MAPK10: variants seen among roughly 807,000 people sequenced by gnomAD.
The protein encoded by MAPK10 is mitogen-activated protein kinase 10.
Under a neutral mutation model 59.3 loss-of-function variants are expected in MAPK10, and 25 were observed. The ratio of observed to expected loss-of-function variants is 0.42; its 90% CI spans 0.31 to 0.59. The LOEUF (loss-of-function observed/expected upper bound fraction) is 0.59. Among genes scored for constraint, MAPK10 ranks in the 20% least tolerant of loss-of-function variants. The probability of loss-of-function intolerance (pLI) is 0.15; values close to 1 mark genes in which losing one functional copy is unlikely to be tolerated. For synonymous variants in MAPK10, 190 were observed against 200.5 expected (o/e 0.95, Z 0.44); for missense variants, 351 against 568.9 (o/e 0.62, Z 3.90).
At chr4:86,488,059 A>T (rs1754148618) in intron 1 of MAPK10, among the ~76,000 whole-genome samples, 1 of 152,086 alleles carries the variant, frequency 6.6e-6, no homozygotes, top group African/African-American at 2.4e-5. Context: ...TGGGGAGAGA[A>T]TGAGGCAAGT....
intron 1 of MAPK10, among the ~76,000 whole-genome samples, chr4:86,548,385 G>A (rs954910588): frequency 2.6e-5 from 4 of 152,134 alleles, no homozygotes; most frequent in African/African-American, 7.2e-5. Context: ...CTCACCACGA[G>A]GGTCCACAGC....
chr4:86,160,198 C>G (rs1203259016), intron 3 of MAPK10: 1 of 151,780 alleles, frequency 6.6e-6, no homozygotes, highest in African/African-American at 2.4e-5. Flanking sequence ...ATGAGTCTGT[C>G]TTTAAAATTT....
intron 1 of MAPK10, among the ~76,000 whole-genome samples, chr4:86,572,228 T>C (rs1243040589): frequency 6.6e-6 from 1 of 152,166 alleles, no homozygotes; most frequent in Admixed American, 6.6e-5. Context: ...TATGGCATCA[T>C]TACTTTCAGC....
At chr4:86,154,677 C>G (rs1265547441) in intron 4 of MAPK10, among the ~76,000 whole-genome samples, 1 of 151,908 alleles carries the variant, frequency 6.6e-6, no homozygotes, top group Non-Finnish European at 1.5e-5. Context: ...ATGAGAAAAT[C>G]CATTTTACAG....
At position 86,177,666 on chromosome 4, in the gene MAPK10, CCAGA is replaced by C. The variant is rs534878412; in HGVS notation, c.66+16666_66+16669del. Among the ~76,000 whole-genome samples the C allele has an allele frequency of 5.0e-3, 758 of 152,116 alleles. 4 individuals carry two copies. The highest frequency in any genetic ancestry group is 7.8e-3 in the Non-Finnish European group (531 of 67,968). On this transcript the variant is annotated intron_variant, in intron 3 of 13. Coordinates refer to ENST00000641462, the MANE Select transcript of MAPK10 (RefSeq NM_138982.4). ...AAAATGAAATCGCTCCATGGACACT[CCAGA>C]CACTTCTTTTTACAAATTCCCTTGT... is the stretch of plus-strand genomic sequence containing the variant.
chr4:86,087,286 A>G (rs919477817), intron 9 of MAPK10, among the ~76,000 whole-genome samples: 2 of 152,184 alleles, frequency 1.3e-5, no homozygotes, highest in Non-Finnish European at 1.5e-5. Flanking sequence ...TTCAACCACA[A>G]TGAACTTCTG....
chr4:86,102,103 G>T, intron 6 of MAPK10, 71 bp from the exon 7 acceptor site: 1 of 1,366,656 alleles, frequency 7.3e-7, no homozygotes, highest in Non-Finnish European at 1.0e-6. Flanking sequence ...TAGTCAGAAT[G>T]CTCTCCTAAC....
rs375518689 is a variant in MAPK10, at chr4:86,269,347, T to C, written c.-6-74940A>G. On this transcript the variant is annotated intron_variant, in intron 2 of 13. Transcript: ENST00000641462. ...ATTTTGATAAATTCAAATTTCTCTT[T>C]ACAAGACTCACTGCTTCAGATCTCT... is the stretch of plus-strand genomic sequence containing the variant. Among the ~76,000 whole-genome samples, 15 of 152,304 alleles carry C rather than the reference T, an allele frequency of 9.8e-5. No homozygotes were observed. The East Asian group carries it at 2.1e-3, about 22-fold the overall frequency.
chr4:86,311,970 TAA>T (rs3029315), intron 2 of MAPK10, among the ~76,000 whole-genome samples: 91,196 of 151,762 alleles, frequency 0.6, 28,136 homozygotes, highest in South Asian at 0.74. Flanking sequence ...GGCAGACTCA[TAA>T]AAAACTATTA....
At chr4:86,345,260 C>A (rs1168341847) in intron 2 of MAPK10, among the ~76,000 whole-genome samples, 2 of 152,182 alleles carry the variant, frequency 1.3e-5, no homozygotes, top group Admixed American at 1.3e-4. Flanking sequence ...AGGTACCCCA[C>A]TTGGATGAGA....
chr4:86,358,321 T>C lies in MAPK10; in HGVS notation c.-122+1337A>G, dbSNP rs935390757. On this transcript the variant is annotated intron_variant, in intron 1 of 13. Coordinates refer to ENST00000641462, the MANE Select transcript of MAPK10 (RefSeq NM_138982.4). ...CTTCCAGGGTCCGACAACTAGCCGA[T>C]GAGGGATAGAAGGAGATATTGGATG... The C allele has an allele frequency of 6.1e-5, 60 of 985,320 alleles. No individual in the cohort carries two copies. The African/African-American group carries it at 1.0e-3, about 16-fold the overall frequency. 61.0% of individuals were successfully genotyped at this position (985,320 alleles called of 1,614,324 possible).
intron 1 of MAPK10, among the ~76,000 whole-genome samples, chr4:86,458,470 A>C (rs961085564): frequency 3.3e-5 from 5 of 152,236 alleles, no homozygotes; most frequent in Admixed American, 6.5e-5. Context: ...TCAAAAACAA[A>C]AAAAAAAGAA....
At chr4:86,419,866 T>C (rs187063795) in intron 1 of MAPK10, among the ~76,000 whole-genome samples, 64 of 152,270 alleles carry the variant, frequency 4.2e-4, no homozygotes, top group Non-Finnish European at 4.3e-4. Context: ...GAAGAAAATA[T>C]TGAAAATAAA....
At chr4:86,247,666 T>C (rs1303658151) in intron 2 of MAPK10, among the ~76,000 whole-genome samples, 2 of 148,530 alleles carry the variant, frequency 1.3e-5, no homozygotes, top group African/African-American at 5.1e-5. Context: ...TGTGTGTGTG[T>C]TGTGTAGGTG....
At chr4:86,327,519 T>C (rs1460402630) in intron 2 of MAPK10, 1 of 152,066 alleles carries the variant, frequency 6.6e-6, no homozygotes, top group Non-Finnish European at 1.5e-5. Context: ...CTATCTTTTT[T>C]TTTTGCAAAT....
upstream of MAPK10, chr4:86,360,092 T>A: frequency 6.1e-6 from 6 of 985,710 alleles, no homozygotes; most frequent in Non-Finnish European, 6.0e-6. Flanking sequence ...GCTTGGGGAA[T>A]GGGGTTGCTA....
chr4:86,397,424 T>A (rs1743087701), intron 1 of MAPK10, among the ~76,000 whole-genome samples: 1 of 152,164 alleles, frequency 6.6e-6, no homozygotes, highest in African/African-American at 2.4e-5. Flanking sequence ...TGTGGCCACA[T>A]TACAACTACA....
chr4:86,467,242 A>G (rs1752282947), intron 1 of MAPK10, among the ~76,000 whole-genome samples: 1 of 152,222 alleles, frequency 6.6e-6, no homozygotes, highest in African/African-American at 2.4e-5. Flanking sequence ...CATTTGTGCC[A>G]AGTGTCGCAT....
At chr4:86,358,448 A>C in intron 1 of MAPK10, 1 of 866,642 alleles carries the variant, frequency 1.2e-6, no homozygotes, top group Non-Finnish European at 1.4e-6. Flanking sequence ...TTGTTCATAA[A>C]AGTTATCATC....
Sources: allele counts gnomAD v4.1 joint callset (sites outside exome capture counted in the v4.1 genomes callset), GRCh38; gene constraint gnomAD v4.1.1; transcripts MANE v1.5; gene names NCBI Gene and HGNC (gene_info 2026-07-23, HGNC 2026-07-21).